Variants in MARCHF1 observed in about 807,000 individuals in gnomAD.
MARCHF1 encodes membrane associated ring-CH-type finger 1, also known as E3 ubiquitin-protein ligase MARCHF1.
A neutral mutation model predicts 54.2 loss-of-function variants in MARCHF1; 40 were observed. The ratio of observed to expected loss-of-function variants is 0.74; its 90% CI spans 0.57 to 0.96. MARCHF1 has a LOEUF of 0.96. Ranked by LOEUF, MARCHF1 falls within the 40% of genes least tolerant of loss-of-function variation. The pLI is 0.00. For missense variants in MARCHF1, 586 were observed against 656.5 expected (o/e 0.89, Z 1.17); for synonymous variants, 236 against 236.3 (o/e 1.00, Z 0.01).
At chr4:163,747,470 C>T (rs1746395317) in intron 4 of MARCHF1, among the ~76,000 whole-genome samples, 1 of 152,148 alleles carries the variant, frequency 6.6e-6, no homozygotes, top group Admixed American at 6.6e-5. Context: ...ATGTAAGACC[C>T]AGTGAATTTG....
chr4:164,310,838 T>G (rs1381174754), intron 1 of MARCHF1, among the ~76,000 whole-genome samples: 1 of 152,150 alleles, frequency 6.6e-6, no homozygotes, highest in African/African-American at 2.4e-5. Flanking sequence ...ATACACAGTT[T>G]AGAATTTTTT....
intron 2 of MARCHF1, among the ~76,000 whole-genome samples, chr4:164,048,035 A>C (rs2111035761): frequency 6.6e-6 from 1 of 152,312 alleles, no homozygotes; most frequent in Non-Finnish European, 1.5e-5. Flanking sequence ...TTCTGTTAAA[A>C]AATTTAAGCA....
chr4:164,288,218 G>GGA (rs1553998699), intron 1 of MARCHF1, among the ~76,000 whole-genome samples: 1 of 151,892 alleles, frequency 6.6e-6, no homozygotes, highest in African/African-American at 2.4e-5. Context: ...AAAGGATTGA[G>GGA]AAAAAAGTAG....
chr4:163,828,014 TACACACACACACACAC>T (rs748460236), intron 4 of MARCHF1, among the ~76,000 whole-genome samples: 144 of 124,570 alleles, frequency 1.2e-3, no homozygotes, highest in Non-Finnish European at 1.9e-3. Flanking sequence ...TGCGCAGGCA[TACACACACACACACAC>T]ACACACACAC....
At chr4:163,996,148 C>T (rs926624501) in intron 2 of MARCHF1, among the ~76,000 whole-genome samples, 2 of 151,628 alleles carry the variant, frequency 1.3e-5, no homozygotes, top group African/African-American at 2.4e-5. Context: ...TTTTTATTCT[C>T]GTGGTTCACT....
At chr4:164,279,649 A>T (rs1733975429) in intron 1 of MARCHF1, among the ~76,000 whole-genome samples, 3 of 151,590 alleles carry the variant, frequency 2.0e-5, no homozygotes, top group Non-Finnish European at 4.4e-5. Flanking sequence ...TATCCCACGA[A>T]TATGTACAAT....
intron 2 of MARCHF1, among the ~76,000 whole-genome samples, chr4:164,016,760 C>T (rs1225875819): frequency 6.6e-6 from 1 of 151,890 alleles, no homozygotes; most frequent in Non-Finnish European, 1.5e-5. Context: ...AATAGGGAAA[C>T]TATAGCTAAC....
At chr4:163,634,214 T>C (rs1742222868) in intron 5 of MARCHF1, among the ~76,000 whole-genome samples, 1 of 151,718 alleles carries the variant, frequency 6.6e-6, no homozygotes, top group Non-Finnish European at 1.5e-5. Context: ...CCAGCTAACA[T>C]CATCATGACA....
At chr4:164,254,278 C>G (rs931639776) in intron 1 of MARCHF1, among the ~76,000 whole-genome samples, 1 of 150,172 alleles carries the variant, frequency 6.7e-6, no homozygotes, top group Admixed American at 6.7e-5. Flanking sequence ...TCTCTGTATT[C>G]GTCAGGTTTC....
At chr4:164,041,722 G>A (rs1162229190) in intron 2 of MARCHF1, among the ~76,000 whole-genome samples, 1 of 152,078 alleles carries the variant, frequency 6.6e-6, no homozygotes, top group Non-Finnish European at 1.5e-5. Context: ...CCACAGATAT[G>A]ACCAATCAGA....
intron 3 of MARCHF1, among the ~76,000 whole-genome samples, chr4:163,922,593 G>A (rs1291877550): frequency 6.6e-6 from 1 of 152,080 alleles, no homozygotes; most frequent in Non-Finnish European, 1.5e-5. Flanking sequence ...ACAATTCTGT[G>A]AGCAATTTGA....
At chr4:163,556,539 T>C (rs1305498529) in intron 8 of MARCHF1, among the ~76,000 whole-genome samples, 2 of 140,880 alleles carry the variant, frequency 1.4e-5, no homozygotes, top group South Asian at 2.2e-4. Flanking sequence ...TTGTATTTAA[T>C]GTAATTGAGT....
chr4:163,963,881 C>T (rs1190378572), intron 3 of MARCHF1, among the ~76,000 whole-genome samples: 1 of 151,954 alleles, frequency 6.6e-6, no homozygotes, highest in Non-Finnish European at 1.5e-5. Flanking sequence ...CCTAGTCCAA[C>T]TTTTGGAGTT....
chr4:163,537,621 A>ATAAT (rs1232261079), intron 9 of MARCHF1, among the ~76,000 whole-genome samples: 2 of 152,170 alleles, frequency 1.3e-5, no homozygotes, highest in Non-Finnish European at 2.9e-5. Context: ...TGTAGGTTTA[A>ATAAT]TAATAAACTC....
chr4:163,848,426 G>C (rs983889898), intron 4 of MARCHF1, among the ~76,000 whole-genome samples: 5 of 152,042 alleles, frequency 3.3e-5, no homozygotes. Flanking sequence ...ATTTTCTCTA[G>C]AGTCATTGCT....
At chr4:163,636,767 A>T (rs1742343662) in intron 5 of MARCHF1, among the ~76,000 whole-genome samples, 2 of 152,102 alleles carry the variant, frequency 1.3e-5, no homozygotes, top group Admixed American at 1.3e-4. Context: ...TATGGAACCA[A>T]AAAAGAGCCT....
At chr4:163,590,059 T>G (rs1341726269) in intron 7 of MARCHF1, among the ~76,000 whole-genome samples, 5 of 142,330 alleles carry the variant, frequency 3.5e-5, no homozygotes, top group African/African-American at 8.3e-5. Flanking sequence ...TAGATTTTGG[T>G]GTGTGTGTGT....
intron 3 of MARCHF1, among the ~76,000 whole-genome samples, chr4:163,865,131 G>A (rs551829663): frequency 6.6e-6 from 1 of 151,976 alleles, no homozygotes; most frequent in South Asian, 2.1e-4. Context: ...GTTTTGCTAT[G>A]TGTATCAGAC....
chr4:164,377,863 A>C (rs1731242853), intron 1 of MARCHF1, among the ~76,000 whole-genome samples: 1 of 152,192 alleles, frequency 6.6e-6, no homozygotes, highest in African/African-American at 2.4e-5. Context: ...CCACTTCTAA[A>C]AATACGTTTG....
Sources: allele counts gnomAD v4.1 joint callset (sites outside exome capture counted in the v4.1 genomes callset), GRCh38; gene constraint gnomAD v4.1.1; transcripts MANE v1.5; gene names NCBI Gene and HGNC (gene_info 2026-07-23, HGNC 2026-07-21).